NAXD: variants seen among roughly 807,000 people sequenced by gnomAD.
NAXD encodes the protein ATP-dependent (S)-NAD(P)H-hydrate dehydratase.
A neutral mutation model predicts 35.8 loss-of-function variants in NAXD; 22 were observed. That is an observed-to-expected ratio of 0.62 (90% CI 0.44 to 0.88). NAXD has a LOEUF of 0.88. Among genes scored for constraint, NAXD ranks in the 40% least tolerant of loss-of-function variants. NAXD has a pLI of 0.00. For missense variants in NAXD, 428 were observed against 437.7 expected (o/e 0.98, Z 0.20); for synonymous variants, 189 against 177.6 (o/e 1.06, Z -0.51).
chr13:110,633,388 C>T (rs1886794745), intron 5 of NAXD, among the ~76,000 whole-genome samples: 1 of 152,232 alleles, frequency 6.6e-6, no homozygotes, highest in Non-Finnish European at 1.5e-5. Context: ...CTGCAGGCAG[C>T]CCCAGTTCCC....
chr13:110,634,657 C>G lies in NAXD; in HGVS notation c.493-15C>G. Reference sequence around the variant, plus strand: ...GAAGGCCTGTGCAGTGAGCACGGCTCCTTGTTCTGTGCAGGATGGCCTGTG... The same window carrying G: ...GAAGGCCTGTGCAGTGAGCACGGCTGCTTGTTCTGTGCAGGATGGCCTGTG... On this transcript the variant is annotated splice_polypyrimidine_tract_variant and intron_variant, in intron 6 of 9. Coordinates refer to ENST00000680254, the MANE Select transcript of NAXD (RefSeq NM_001242882.2). 6.2e-7 allele frequency: 1 copy of G among 1,614,104 alleles called. No homozygotes were observed. Among genetic ancestry groups the G allele is most frequent in the Non-Finnish European group, 8.5e-7 (1 of 1,179,918 alleles).
intron 5 of NAXD, among the ~76,000 whole-genome samples, chr13:110,630,787 A>G (rs186372706): frequency 2.0e-5 from 3 of 152,180 alleles, no homozygotes; most frequent in East Asian, 1.9e-4. Flanking sequence ...TTTCCTCCCA[A>G]CTTGTCATCC....
intron 2 of NAXD, 80 bp from the exon 3 acceptor site, chr13:110,624,150 ATTTT>A: frequency 1.2e-6 from 1 of 804,086 alleles, no homozygotes; most frequent in Non-Finnish European, 2.1e-6. Context: ...ATTTATGTCT[ATTTT>A]TTATTGATAA....
chr13:110,620,679 C>G (rs1886231530), intron 1 of NAXD, among the ~76,000 whole-genome samples: 1 of 151,618 alleles, frequency 6.6e-6, no homozygotes, highest in South Asian at 2.1e-4. Context: ...GCAGTTACAT[C>G]TACTCATAAA....
chr13:110,615,672 G>C (rs1886019281), intron 1 of NAXD, 25 bp downstream of exon 1: 4 of 1,523,398 alleles, frequency 2.6e-6, no homozygotes, highest in Non-Finnish European at 3.5e-6. Flanking sequence ...ATTTGGCCCG[G>C]GGATGGTCAC....
rs1594177059 is a variant in NAXD, at chr13:110,628,604, G to A, written c.441+1057G>A. On this transcript the variant is annotated intron_variant, in intron 5 of 9. Coordinates refer to ENST00000680254, the MANE Select transcript of NAXD (RefSeq NM_001242882.2). The surrounding 1 kb of genome is among the most constrained non-coding windows in gnomAD (Gnocchi z 4.1). ...TGAGTCATCTGAGGGGCAGGCAGAC[G>A]CAGGCTGACACTGCACAGACCAGGA... 6.6e-6 allele frequency among the ~76,000 whole-genome samples: 1 copy of A among 152,296 alleles called. No individual in the cohort carries two copies. Among genetic ancestry groups the A allele is most frequent in the East Asian group, 1.9e-4 (1 of 5,180 alleles).
In NAXD at chr13:110,625,210, G is replaced by C; in HGVS notation, c.264G>C (p.Val88=). 1 of 1,613,934 alleles carries C rather than the reference G, an allele frequency of 6.2e-7. No homozygotes were observed. Among genetic ancestry groups the C allele is most frequent in the Non-Finnish European group, 8.5e-7 (1 of 1,179,892 alleles). The change falls in exon 4 of 10, where the codon GTG becomes GTC. Residue 88 remains valine, a synonymous_variant. Coordinates refer to ENST00000680254, the MANE Select transcript of NAXD (RefSeq NM_001242882.2). ...ALKVGADLSH[V]FCASAAAPVI... is the part of the protein sequence containing the mutation. ...ATCAGGGCGCAGACTTGTCCCACGT[G>C]TTCTGTGCCAGTGCGGCCGCACCTG...
At position 110,633,112 on chromosome 13, in the gene NAXD, A is replaced by G. The variant is rs571515367; in HGVS notation, c.442-1433A>G. 2.2e-3 allele frequency among the ~76,000 whole-genome samples: 331 copies of G among 152,120 alleles called. 1 individual carries two copies. Among genetic ancestry groups the G allele is most frequent in the African/African-American group, 7.5e-3 (312 of 41,498 alleles). On this transcript the variant is annotated intron_variant, in intron 5 of 9. Transcript: ENST00000680254. The stretch of plus-strand genomic sequence containing the variant: ...CTCGTCGGGGAGGCTCGGGCCGCAC[A>G]GGAGCCCATGGAGGGGGTGGGAGGC...
chr13:110,632,252 G>A (rs561938570), intron 5 of NAXD, among the ~76,000 whole-genome samples: 162 of 152,094 alleles, frequency 1.1e-3, no homozygotes, highest in African/African-American at 3.4e-3. Flanking sequence ...GTTCCTCCCG[G>A]TGGGCTCGTG....
chr13:110,638,372 C>T lies in NAXD; in HGVS notation c.840-6C>T. ...CCCACACCTCCTGCTGTCCCCCTCT[C>T]CGCAGGTCCAGCCCTCTCCTGGTGG... On this transcript the variant is annotated splice_polypyrimidine_tract_variant and splice_region_variant and intron_variant, in intron 9 of 9. Transcript: ENST00000680254. This position sits in a 1 kb window ranked among gnomAD's most constrained non-coding sequence, Gnocchi z 5.4. The T allele has an allele frequency of 6.2e-7, 1 of 1,613,908 alleles. No individual in the cohort carries two copies. Among genetic ancestry groups the T allele is most frequent in the Non-Finnish European group, 8.5e-7 (1 of 1,180,034 alleles).
At chr13:110,637,336 C>A in intron 9 of NAXD, 87 bp downstream of exon 9, 1 of 1,464,906 alleles carries the variant, frequency 6.8e-7, no homozygotes, top group East Asian at 2.3e-5. Context: ...ATAAGTAGCC[C>A]TGGAAACACT....
intron 1 of NAXD, among the ~76,000 whole-genome samples, chr13:110,620,315 C>T (rs908710675): frequency 6.6e-6 from 1 of 151,808 alleles, no homozygotes; most frequent in African/African-American, 2.4e-5. Flanking sequence ...AGCGCGGTGG[C>T]TCACACCTGT....
chr13:110,631,977 ATACTT>A (rs1399029888), intron 5 of NAXD, among the ~76,000 whole-genome samples: 1 of 152,228 alleles, frequency 6.6e-6, no homozygotes, highest in Non-Finnish European at 1.5e-5. Context: ...TTAGTTTTCA[ATACTT>A]TAAATTATTC....
intron 1 of NAXD, 23 bp downstream of exon 1, chr13:110,615,670 CG>C: frequency 1.3e-6 from 2 of 1,520,450 alleles, no homozygotes; most frequent in Non-Finnish European, 1.8e-6. Context: ...CCATTTGGCC[CG>C]GGGATGGTCA....
intron 1 of NAXD, among the ~76,000 whole-genome samples, chr13:110,618,397 T>C (rs1187533194): frequency 6.6e-6 from 1 of 152,138 alleles, no homozygotes; most frequent in Non-Finnish European, 1.5e-5. Flanking sequence ...CTCCCGCTGG[T>C]GGGTTGATCA....
At chr13:110,626,488 G>A (rs1048545297) in intron 4 of NAXD, among the ~76,000 whole-genome samples, 1 of 151,760 alleles carries the variant, frequency 6.6e-6, no homozygotes, top group Admixed American at 6.6e-5. Context: ...GTGGGGACAC[G>A]GGCTTGGGAG....
intron 1 of NAXD, chr13:110,616,008 G>A: frequency 2.5e-6 from 1 of 392,980 alleles, no homozygotes; most frequent in Non-Finnish European, 4.4e-6. Flanking sequence ...CGTCCCAGGA[G>A]CGGCGGAGCC....
Position 110,634,610 on chromosome 13 carries a change from C to T in NAXD, c.492+15C>T. 2 of 1,614,146 alleles carry T rather than the reference C, an allele frequency of 1.2e-6. No homozygotes were observed. Among genetic ancestry groups the T allele is most frequent in the Non-Finnish European group, 1.7e-6 (2 of 1,179,984 alleles). On this transcript the variant is annotated intron_variant, in intron 6 of 9. Transcript: ENST00000680254. Reference sequence around the variant, plus strand: ...TCATCGACGCGGTGAGTTGACTTCTCTCCTCCTGGCTCGGACTCCCGGAAG... The same window carrying T: ...TCATCGACGCGGTGAGTTGACTTCTTTCCTCCTGGCTCGGACTCCCGGAAG...
At chr13:110,633,683 C>T (rs1372572035) in intron 5 of NAXD, among the ~76,000 whole-genome samples, 1 of 148,738 alleles carries the variant, frequency 6.7e-6, no homozygotes, top group Non-Finnish European at 1.5e-5. Flanking sequence ...AGTGTATAAT[C>T]TTGTCACAAT....
Sources: allele counts gnomAD v4.1 joint callset (sites outside exome capture counted in the v4.1 genomes callset), GRCh38; gene constraint gnomAD v4.1.1; non-coding constraint Gnocchi (gnomAD v3.1); transcripts MANE v1.5; gene names NCBI Gene and HGNC (gene_info 2026-07-23, HGNC 2026-07-21).